ZZEF1: variants seen among roughly 807,000 people sequenced by gnomAD.
The protein encoded by ZZEF1 is zinc finger ZZ-type and EF-hand domain-containing protein 1.
Under a neutral mutation model 342.8 loss-of-function variants are expected in ZZEF1, and 157 were observed. The observed-to-expected ratio is 0.46, with a 90% CI of 0.40 to 0.52. The LOEUF (loss-of-function observed/expected upper bound fraction) is 0.52, where lower values mean the gene tolerates loss of function less well. Among genes scored for constraint, ZZEF1 ranks in the 20% least tolerant of loss-of-function variants. ZZEF1 has a pLI of 0.00. For missense variants in ZZEF1, 3,480 were observed against 3,725.6 expected, an observed-to-expected ratio of 0.93 and a Z score of 1.72; for synonymous variants, 1,505 against 1,429.1, an observed-to-expected ratio of 1.05 and a Z score of -1.20.
intron 18 of ZZEF1, 142 bp downstream of exon 18, chr17:4,081,234 C>T (rs1264945424): frequency 4.2e-6 from 3 of 718,984 alleles, no homozygotes; most frequent in Admixed American, 2.5e-5. Context: ...AAGACCCTAT[C>T]TCAAAACAAC....
intron 23 of ZZEF1, among the ~76,000 whole-genome samples, chr17:4,074,599 C>T (rs1358221758): frequency 3.3e-5 from 5 of 152,168 alleles, no homozygotes; most frequent in Admixed American, 3.3e-4. Flanking sequence ...ACCATCTGTC[C>T]ACTACCGACT....
intron 39 of ZZEF1, among the ~76,000 whole-genome samples, chr17:4,038,448 T>C (rs1437879774): frequency 6.6e-6 from 1 of 152,094 alleles, no homozygotes; most frequent in Non-Finnish European, 1.5e-5. Context: ...ACAGTGAAAA[T>C]GAATAAAGGA....
rs114693421 is a variant in ZZEF1, at chr17:4,021,279, G to A, written c.7254C>T (p.Asn2418=). 3.3e-4 allele frequency: 539 copies of A among 1,614,014 alleles called. 2 individuals are homozygous for A. The African/African-American group carries it at 6.3e-3, about 19-fold the overall frequency. Residue 2418 remains asparagine (N), a synonymous_variant, in exon 45 of 55, where the codon AAC becomes AAT. Coordinates refer to ENST00000381638, the MANE Select transcript of ZZEF1 (RefSeq NM_015113.4). ...IMLYSSKKEI[N]ALAEHGDLEL... Reference sequence around the variant, plus strand: ...CTAGGTCTCCGTGCTCAGCCAAAGCGTTGATCTCCTTTTTTGAGGAGTACA... The same window carrying A: ...CTAGGTCTCCGTGCTCAGCCAAAGCATTGATCTCCTTTTTTGAGGAGTACA...
Position 4,093,401 on chromosome 17 carries a change from T to G in ZZEF1, c.1913+2430A>C, listed in dbSNP as rs963291190. 2.6e-5 allele frequency among the ~76,000 whole-genome samples: 4 copies of G among 152,230 alleles called. No individual in the cohort carries two copies. In the East Asian group the frequency reaches 7.7e-4, roughly 29 times the overall value. On this transcript the variant is annotated intron_variant, in intron 11 of 54. Coordinates refer to ENST00000381638, the MANE Select transcript of ZZEF1 (RefSeq NM_015113.4). ...AGACATTACAAATGTGGATTTCAAC[T>G]GAACAAATTCTGATTACTGAAGTGC...
intron 6 of ZZEF1, among the ~76,000 whole-genome samples, 155 bp downstream of exon 6, chr17:4,109,498 C>G (rs1207164873): frequency 6.6e-6 from 1 of 152,140 alleles, no homozygotes; most frequent in Non-Finnish European, 1.5e-5. Context: ...CACTGTGGAG[C>G]TGAGTGGCAC....
rs770003016 is a variant in ZZEF1 at position 4,034,140 on chromosome 17, G to A, written c.6459C>T (p.Asp2153=). The change falls in exon 40 of 55, where the codon GAC becomes GAT. Residue 2153 remains aspartate, a synonymous_variant. Transcript: ENST00000381638. The part of the protein sequence containing the change: ...LIIRLLPAEV[D]AAVIKVLSAK... ...CTGAGAGGACTTTGATCACTGCGGCGTCTACCTCTGCTGGCAAAAGACGGA... is the reference window on the plus strand; with the variant it reads ...CTGAGAGGACTTTGATCACTGCGGCATCTACCTCTGCTGGCAAAAGACGGA... 14 of 1,614,034 alleles carry A rather than the reference G, an allele frequency of 8.7e-6. No homozygotes were observed. The highest frequency in any genetic ancestry group is 3.3e-5 in the South Asian group (3 of 91,086).
At chr17:4,043,447 AG>A (rs758697550) in intron 38 of ZZEF1, among the ~76,000 whole-genome samples, 5 of 152,204 alleles carry the variant, frequency 3.3e-5, no homozygotes, top group Non-Finnish European at 7.3e-5. Context: ...GCAGAAGGCC[AG>A]GTGCTCACCC....
At chr17:4,009,227 C>T (rs1398505287) in intron 53 of ZZEF1, 1 of 569,516 alleles carries the variant, frequency 1.8e-6, no homozygotes, top group Non-Finnish European at 3.1e-6. Context: ...GAGAGGGAAG[C>T]TAAAGAACTC....
chr17:4,093,077 T>TTCCTGCCCGTCTCCCTCTCCC (rs2057974226), intron 11 of ZZEF1, among the ~76,000 whole-genome samples: 1 of 152,108 alleles, frequency 6.6e-6, no homozygotes, highest in Admixed American at 6.5e-5. Flanking sequence ...TCATTCAGGC[T>TTCCTGCCCGTCTCCCTCTCCC]GGAATCAGGA....
rs867775380 is a variant in ZZEF1, at chr17:4,009,612, G to A, written c.8725C>T (p.Arg2909Cys). 5.6e-6 allele frequency: 9 copies of A among 1,613,402 alleles called. No homozygotes were observed. The highest frequency in any genetic ancestry group is 6.8e-6 in the Non-Finnish European group (8 of 1,180,016). The stretch of plus-strand genomic sequence containing the variant: ...CAGACCTCAGGCCTCACCTGGGCAC[G>A]GTTCTCGGTGACGAAGAAGAGCTCA... ...LTELFFVTENRAQELGVLQDY... is the reference protein window; with the variant it reads ...LTELFFVTENCAQELGVLQDY... Residue 2909 changes from arginine to cysteine, a missense_variant, in exon 53 of 55, where the codon CGT becomes TGT. Arg to Cys is a radical substitution (Grantham distance 180). This residue lies in a region of ZZEF1 where 1,269 missense variants were observed against 1,342.4 expected (regional missense o/e 0.95). Coordinates refer to ENST00000381638, the MANE Select transcript of ZZEF1 (RefSeq NM_015113.4).
intron 5 of ZZEF1, among the ~76,000 whole-genome samples, chr17:4,111,298 C>T (rs1387414638): frequency 1.3e-5 from 2 of 152,024 alleles, no homozygotes; most frequent in African/African-American, 4.8e-5. Context: ...GTAACAATCC[C>T]TGGGTAGTAG....
intron 2 of ZZEF1, among the ~76,000 whole-genome samples, chr17:4,123,268 CATATATATATATATAT>C (rs60101709): frequency 5.6e-4 from 48 of 85,330 alleles, no homozygotes; most frequent in South Asian, 1.6e-3. Context: ...TTATCATAAC[CATATATATATATATAT>C]ATATATATAT....
At chr17:4,053,428 A>C (rs1436828153) in intron 34 of ZZEF1, among the ~76,000 whole-genome samples, 1 of 152,144 alleles carries the variant, frequency 6.6e-6, no homozygotes, top group East Asian at 1.9e-4. Context: ...ACCAATTCTC[A>C]TTCCACCTCC....
Position 4,008,995 on chromosome 17 carries a change from T to C in ZZEF1, c.8734-41A>G. The C allele has an allele frequency of 1.3e-6, 2 of 1,535,490 alleles. No homozygotes were observed. Among genetic ancestry groups the C allele is most frequent in the Non-Finnish European group, 1.7e-6 (2 of 1,145,492 alleles). On this transcript the variant is annotated intron_variant, in intron 53 of 54. Transcript: ENST00000381638. The surrounding 1 kb of genome is among the most constrained non-coding windows in gnomAD (Gnocchi z 4.2). ...AGGGGCTGTGAGTGACAGCGCCAGATGCGCAGTGCAGCTCTCCCAGACCAC... is the reference window on the plus strand; with the variant it reads ...AGGGGCTGTGAGTGACAGCGCCAGACGCGCAGTGCAGCTCTCCCAGACCAC...
intron 1 of ZZEF1, among the ~76,000 whole-genome samples, chr17:4,128,346 A>T (rs1446290103): frequency 3.9e-4 from 3 of 7,700 alleles, no homozygotes; most frequent in African/African-American, 2.3e-3. Flanking sequence ...AGACTGTCTT[A>T]AAAAAAAAAA....
intron 1 of ZZEF1, among the ~76,000 whole-genome samples, chr17:4,138,058 C>T (rs962246859): frequency 3.3e-5 from 5 of 152,148 alleles, no homozygotes; most frequent in Admixed American, 3.3e-4. Flanking sequence ...TAGCACAGGG[C>T]TAGTGCAGGT....
In ZZEF1 at chr17:4,123,908, T is replaced by G. The variant is rs147451309; in HGVS notation, c.498A>C (p.Pro166=). 28 of 1,612,920 alleles carry G rather than the reference T, an allele frequency of 1.7e-5. No homozygotes were observed. The African/African-American group carries it at 3.1e-4, about 18-fold the overall frequency. Residue 166 remains proline, a splice_region_variant and synonymous_variant, in exon 2 of 55, where the codon CCA becomes CCC. Coordinates refer to ENST00000381638, the MANE Select transcript of ZZEF1 (RefSeq NM_015113.4). ...IRQLQACSLV[P]GFTDIFSESK... Reference sequence around the variant, plus strand: ...ACAGCACCTAGATGGAAGCCTCACCTGGAACCAGAGAGCAGGCCTGTAGTT... The same window carrying G: ...ACAGCACCTAGATGGAAGCCTCACCGGGAACCAGAGAGCAGGCCTGTAGTT...
intron 1 of ZZEF1, among the ~76,000 whole-genome samples, chr17:4,132,542 C>T (rs1567870128): frequency 6.6e-6 from 1 of 151,884 alleles, no homozygotes; most frequent in Non-Finnish European, 1.5e-5. Flanking sequence ...ACTAAAAATA[C>T]AAAAAATTAG....
intron 5 of ZZEF1, among the ~76,000 whole-genome samples, 180 bp from the exon 6 acceptor site, chr17:4,110,043 C>T (rs533069107): frequency 6.6e-6 from 1 of 152,198 alleles, no homozygotes; most frequent in Admixed American, 6.5e-5. Context: ...TGTCAAAAAG[C>T]TTTGACAAAT....
Sources: allele counts gnomAD v4.1 joint callset (sites outside exome capture counted in the v4.1 genomes callset), GRCh38; gene constraint gnomAD v4.1.1; regional missense constraint gnomAD v4.1.1; non-coding constraint Gnocchi (gnomAD v3.1); transcripts MANE v1.5; gene names NCBI Gene and HGNC (gene_info 2026-07-23, HGNC 2026-07-21).